Variants in C1orf21 observed in about 807,000 individuals in gnomAD.
C1orf21 encodes the protein chromosome 1 open reading frame 21, also known as uncharacterized protein C1orf21.
In C1orf21, 3 loss-of-function variants were observed where a neutral mutation model predicts 18.7. That is an observed-to-expected ratio of 0.16 (90% CI 0.07 to 0.42). The LOEUF (loss-of-function observed/expected upper bound fraction) is 0.42, where lower values mean the gene tolerates loss of function less well. Ranked by LOEUF, C1orf21 falls within the 10% of genes least tolerant of loss-of-function variation. The pLI, the probability that C1orf21 is intolerant of heterozygous loss-of-function variation, is 0.99. For synonymous variants in C1orf21, 41 were observed against 46.4 expected (o/e 0.88, Z 0.47); for missense variants, 104 against 143.6 (o/e 0.72, Z 1.41).
intron 1 of C1orf21, among the ~76,000 whole-genome samples, chr1:184,470,262 A>C (rs1463118312): frequency 1.3e-5 from 2 of 152,268 alleles, no homozygotes; most frequent in African/African-American, 4.8e-5. Context: ...TCTGATTAGA[A>C]GTGTTGTCCA....
At chr1:184,431,757 T>G (rs960980480) in intron 1 of C1orf21, among the ~76,000 whole-genome samples, 1 of 151,986 alleles carries the variant, frequency 6.6e-6, no homozygotes, top group Admixed American at 6.6e-5. Context: ...TACAGGGAAC[T>G]GAAACAAATT....
At chr1:184,609,717 A>G (rs544583812) in intron 5 of C1orf21, among the ~76,000 whole-genome samples, 8 of 152,226 alleles carry the variant, frequency 5.3e-5, no homozygotes, top group Non-Finnish European at 1.0e-4. Context: ...AAATTATGAT[A>G]TGTCTGATTA....
intron 3 of C1orf21, among the ~76,000 whole-genome samples, chr1:184,589,889 G>A (rs779087120): frequency 1.6e-4 from 24 of 152,058 alleles, no homozygotes; most frequent in Admixed American, 5.9e-4. Flanking sequence ...ATGTTGCATC[G>A]GCCCATGGCA....
intron 1 of C1orf21, among the ~76,000 whole-genome samples, chr1:184,430,320 G>A (rs932908809): frequency 2.6e-5 from 4 of 152,002 alleles, no homozygotes; most frequent in African/African-American, 4.8e-5. Context: ...TGTTTGATGT[G>A]CCAGTGACTG....
intron 3 of C1orf21, among the ~76,000 whole-genome samples, chr1:184,510,978 A>G (rs1441451973): frequency 6.6e-6 from 1 of 152,166 alleles, no homozygotes; most frequent in Admixed American, 6.5e-5. Context: ...TAGAAGCACA[A>G]GATTTGACAG....
intron 3 of C1orf21, among the ~76,000 whole-genome samples, chr1:184,519,865 C>T (rs553623206): frequency 2.6e-5 from 4 of 152,152 alleles, no homozygotes; most frequent in African/African-American, 7.2e-5. Context: ...CCAGTATTAA[C>T]GGAGATACAG....
chr1:184,397,376 G>C (rs1656068846), intron 1 of C1orf21, among the ~76,000 whole-genome samples: 1 of 152,160 alleles, frequency 6.6e-6, no homozygotes, highest in Non-Finnish European at 1.5e-5. Context: ...CACAAGGTCA[G>C]GAGATCAAGA....
intron 3 of C1orf21, among the ~76,000 whole-genome samples, chr1:184,527,873 A>G (rs1273339784): frequency 1.3e-5 from 2 of 152,202 alleles, no homozygotes; most frequent in African/African-American, 4.8e-5. Flanking sequence ...GTCACATAGC[A>G]AACACTTAAT....
chr1:184,505,459 C>A (rs959888446), intron 2 of C1orf21, among the ~76,000 whole-genome samples: 44 of 150,980 alleles, frequency 2.9e-4, no homozygotes, highest in African/African-American at 1.0e-3. Context: ...CAATTTAGTT[C>A]AGTTAAAGTT....
intron 3 of C1orf21, among the ~76,000 whole-genome samples, chr1:184,566,066 A>G (rs755421261): frequency 4.6e-5 from 7 of 152,104 alleles, no homozygotes; most frequent in Non-Finnish European, 8.8e-5. Context: ...AAAATTGTGG[A>G]TTAGGGTTAT....
chr1:184,540,705 A>G (rs985009578), intron 3 of C1orf21, among the ~76,000 whole-genome samples: 2 of 152,234 alleles, frequency 1.3e-5, no homozygotes, highest in African/African-American at 4.8e-5. Flanking sequence ...TGCTGGGATT[A>G]CAGGCGTGAG....
intron 1 of C1orf21, among the ~76,000 whole-genome samples, chr1:184,410,646 TATATATA>T (rs1656328783): frequency 1.7e-4 from 1 of 5,836 alleles, no homozygotes; most frequent in Admixed American, 2.6e-3. Context: ...TATATATATA[TATATATA>T]TATATATATA....
intron 1 of C1orf21, among the ~76,000 whole-genome samples, chr1:184,394,656 A>T (rs1656022470): frequency 6.6e-6 from 1 of 152,168 alleles, no homozygotes. Context: ...CCAGGCTGTG[A>T]TTTGCAGGAA....
chr1:184,459,707 T>C (rs919613084), intron 1 of C1orf21, among the ~76,000 whole-genome samples: 2 of 152,092 alleles, frequency 1.3e-5, no homozygotes, highest in Non-Finnish European at 2.9e-5. Flanking sequence ...ACTCATGGTC[T>C]AGTTGGAAAG....
intron 3 of C1orf21, among the ~76,000 whole-genome samples, chr1:184,587,798 A>G (rs1659379601): frequency 6.6e-6 from 1 of 151,648 alleles, no homozygotes; most frequent in South Asian, 2.1e-4. Flanking sequence ...ATATTTTCGT[A>G]GAGATGGAGT....
In C1orf21 at chr1:184,627,707, A is replaced by T. The variant is rs936018367; in HGVS notation, c.*8151A>T. On this transcript the variant is annotated 3_prime_UTR_variant, in exon 6 of 6. Coordinates refer to ENST00000235307, the MANE Select transcript of C1orf21 (RefSeq NM_030806.4). ...TTCCGCAGGCCCAGGTGTTTAGATTAGAATTTGTCCAGCGGTAATCCTGAT... is the reference window on the plus strand; with the variant it reads ...TTCCGCAGGCCCAGGTGTTTAGATTTGAATTTGTCCAGCGGTAATCCTGAT... 1 of 152,250 alleles carries T rather than the reference A, an allele frequency of 6.6e-6. No individual in the cohort carries two copies. The highest frequency in any genetic ancestry group is 2.4e-5 in the African/African-American group (1 of 41,470). The allele number at this position is 152,250 out of a possible 1,614,324, so 9.4% of individuals were successfully genotyped here.
At chr1:184,430,557 T>C (rs1281844867) in intron 1 of C1orf21, among the ~76,000 whole-genome samples, 1 of 152,208 alleles carries the variant, frequency 6.6e-6, no homozygotes, top group Non-Finnish European at 1.5e-5. Context: ...GAAATTTGAA[T>C]TTATAGAATT....
intron 5 of C1orf21, among the ~76,000 whole-genome samples, chr1:184,604,816 G>A (rs1291913176): frequency 1.3e-5 from 2 of 152,200 alleles, no homozygotes; most frequent in African/African-American, 4.8e-5. Flanking sequence ...AATGAGTCAG[G>A]CAACAAGCTG....
rs1557965119 is a variant in C1orf21 at position 184,410,654 on chromosome 1, TATA to T, written c.-125+23287_-125+23289del. Among the ~76,000 whole-genome samples, 53 of 7,538 alleles carry T rather than the reference TATA, an allele frequency of 7.0e-3. 9 individuals carry two copies. The highest frequency in any genetic ancestry group is 0.014 in the African/African-American group (7 of 512). The allele number at this position is 7,538 out of a possible 152,430, so 4.9% of individuals were successfully genotyped here. A position where few individuals can be genotyped will look rare whatever the true frequency, so the allele number is the denominator to read the frequency against. On this transcript the variant is annotated intron_variant, in intron 1 of 5. Coordinates refer to ENST00000235307, the MANE Select transcript of C1orf21 (RefSeq NM_030806.4). Reference sequence around the variant, plus strand: ...ATATATATATATATATATATATATATATATATATATTTTTTTTTTTTTTTTTTG... The same window carrying T: ...ATATATATATATATATATATATATATTATATATTTTTTTTTTTTTTTTTTG...
Sources: allele counts gnomAD v4.1 joint callset (sites outside exome capture counted in the v4.1 genomes callset), GRCh38; gene constraint gnomAD v4.1.1; transcripts MANE v1.5; gene names NCBI Gene and HGNC (gene_info 2026-07-23, HGNC 2026-07-21).